Variants in SPG7 observed in about 807,000 individuals in gnomAD.
SPG7 encodes mitochondrial inner membrane m-AAA protease component paraplegin.
SPG7 carries 103 observed loss-of-function variants against 81.9 expected under a neutral mutation model. The ratio of observed to expected loss-of-function variants is 1.26; its 90% CI spans 1.07 to 1.48. SPG7 has a LOEUF of 1.48. Ranked by LOEUF, SPG7 falls within the 40% of genes most tolerant of loss-of-function variation. The pLI, the probability that SPG7 is intolerant of heterozygous loss-of-function variation, is 0.00. For synonymous variants in SPG7, 534 were observed against 444.2 expected (o/e 1.20, Z -2.54); for missense variants, 1,241 against 1,087.3 (o/e 1.14, Z -1.99).
chr16:89,543,508 T>G (rs1219665003), intron 9 of SPG7: 1 of 151,596 alleles, frequency 6.6e-6, no homozygotes, highest in African/African-American at 2.4e-5. Context: ...CCAGCTAATT[T>G]TTGTATTTTA....
intron 6 of SPG7, 45 bp from the exon 7 acceptor site, chr16:89,530,638 T>G (rs1451413765): frequency 6.2e-7 from 1 of 1,613,790 alleles, no homozygotes; most frequent in Non-Finnish European, 8.5e-7. Context: ...TGCTGCTGAT[T>G]TCCTGACTTC....
At position 89,532,504 on chromosome 16, in the gene SPG7, C is replaced by G; in HGVS notation, c.1192C>G (p.Arg398Gly). The change falls in exon 9 of 17, where the codon CGA becomes GGA. Residue 398 changes from arginine to glycine, a missense_variant. Arg to Gly is a moderately radical substitution (Grantham distance 125). Transcript: ENST00000645818. ...ARVRSLFKEA[R>G]ARAPCIVYID... ...TGTGCGGAGCCTCTTTAAGGAAGCCCGAGCCCGGGCCCCCTGCATCGTCTA... is the reference window on the plus strand; with the variant it reads ...TGTGCGGAGCCTCTTTAAGGAAGCCGGAGCCCGGGCCCCCTGCATCGTCTA... The G allele has an allele frequency of 1.2e-6, 2 of 1,613,578 alleles. No individual in the cohort carries two copies. The highest frequency in any genetic ancestry group is 1.7e-6 in the Non-Finnish European group (2 of 1,180,032).
chr16:89,549,325 G>T (rs2058605948), intron 12 of SPG7: 1 of 431,980 alleles, frequency 2.3e-6, no homozygotes, highest in African/African-American at 2.0e-5. Context: ...GACAGGAAAT[G>T]AAGCCTCACC....
chr16:89,516,246 CG>C (rs2058094821), intron 3 of SPG7, among the ~76,000 whole-genome samples: 1 of 151,638 alleles, frequency 6.6e-6, no homozygotes, highest in South Asian at 2.1e-4. Flanking sequence ...CCTTGGTCTC[CG>C]AAAGTGCTGG....
Position 89,553,792 on chromosome 16 carries a change from A to G in SPG7, c.1937-2A>G, listed in dbSNP as rs568556987. Reference sequence around the variant, plus strand: ...TGCCTCTGTCTCGACCCCGCCCTCCAGGGGCACAGGACGACCTGAGGAAGG... The same window carrying G: ...TGCCTCTGTCTCGACCCCGCCCTCCGGGGGCACAGGACGACCTGAGGAAGG... On this transcript the variant is annotated splice_acceptor_variant, in intron 14 of 16. Transcript: ENST00000645818. LOFTEE classifies it high-confidence loss of function. 2.2e-5 allele frequency: 36 copies of G among 1,613,330 alleles called. No individual in the cohort carries two copies. The highest frequency in any genetic ancestry group is 2.9e-5 in the Non-Finnish European group (34 of 1,179,970).
intron 4 of SPG7, among the ~76,000 whole-genome samples, chr16:89,525,576 G>A (rs1039539107): frequency 2.6e-5 from 4 of 152,046 alleles, no homozygotes; most frequent in South Asian, 2.1e-4. Context: ...AGAGAGTCCC[G>A]CAAGTCCGTC....
intron 13 of SPG7, 44 bp from the exon 14 acceptor site, chr16:89,552,935 A>G (rs748139370): frequency 2.4e-5 from 39 of 1,607,488 alleles, no homozygotes; most frequent in Non-Finnish European, 3.2e-5. Context: ...CTCAAAGCCC[A>G]CGCATCCTGC....
At position 89,557,357 on chromosome 16, in the gene SPG7, C is replaced by A; in HGVS notation, c.*264C>A. ...CTTCCCGAGTGAGCATGGAACACTT[C>A]GAGTTCCCAGGGTTATAGACAGTCG... On this transcript the variant is annotated 3_prime_UTR_variant, in exon 17 of 17. Coordinates refer to ENST00000645818, the MANE Select transcript of SPG7 (RefSeq NM_003119.4). 1 of 512,542 alleles carries A rather than the reference C, an allele frequency of 2.0e-6. No individual in the cohort carries two copies. The highest frequency in any genetic ancestry group is 3.2e-5 in the Admixed American group (1 of 30,858). 31.7% of individuals were successfully genotyped at this position (512,542 alleles called of 1,614,324 possible).
chr16:89,535,144 A>T (rs1263701721), intron 9 of SPG7, among the ~76,000 whole-genome samples: 1 of 152,152 alleles, frequency 6.6e-6, no homozygotes, highest in African/African-American at 2.4e-5. Flanking sequence ...ATTTGGCAGG[A>T]TTGGTGCAGC....
chr16:89,508,445 G>T lies in SPG7; in HGVS notation c.28G>T (p.Ala10Ser), dbSNP rs577872969. MAVLLLLLR[A>S]LRRGPGPGPR... The stretch of plus-strand genomic sequence containing the variant: ...GGCCGTGCTGCTGCTGCTGCTCCGT[G>T]CCCTCCGCCGGGGTCCAGGCCCGGG... The change falls in exon 1 of 17, where the codon GCC becomes TCC. Residue 10 changes from alanine to serine, a missense_variant. Ala to Ser is a moderately conservative substitution (Grantham distance 99, BLOSUM62 1). Transcript: ENST00000645818. The T allele has an allele frequency of 6.0e-6, 9 of 1,502,240 alleles. No homozygotes were observed. Among genetic ancestry groups the T allele is most frequent in the South Asian group, 5.0e-5 (4 of 80,742 alleles). The allele number at this position is 1,502,240 out of a possible 1,614,324, so 93.1% of individuals were successfully genotyped here. A position where few individuals can be genotyped will look rare whatever the true frequency, so the allele number is the denominator to read the frequency against.
At chr16:89,531,672 C>A (rs1567913568) in intron 7 of SPG7, 1 of 558,694 alleles carries the variant, frequency 1.8e-6, no homozygotes. Flanking sequence ...CCGCACCTGG[C>A]CTGCAAGAAG....
rs1304074191 is a variant in SPG7 at position 89,512,994 on chromosome 16, G to A, written c.333G>A (p.Lys111=). 2.5e-6 allele frequency: 4 copies of A among 1,613,090 alleles called. No homozygotes were observed. The highest frequency in any genetic ancestry group is 1.7e-5 in the Admixed American group (1 of 59,986). ...FNTSRLKQKN[K]EKDKSKGKAP... ...CCTCAAGGTTGAAGCAGAAGAATAA[G>A]GAGAAGGATAAGTCGAAGGGGAAGG... is the stretch of plus-strand genomic sequence containing the variant. The change falls in exon 3 of 17, where the codon AAG becomes AAA. Residue 111 remains lysine, a synonymous_variant. Transcript: ENST00000645818.
chr16:89,546,577 C>G (rs1359816865), intron 10 of SPG7, 81 bp from the exon 11 acceptor site: 20 of 937,758 alleles, frequency 2.1e-5, no homozygotes, highest in South Asian at 1.7e-4. Flanking sequence ...GGGGACCCCC[C>G]CCCCCCACAG....
At chr16:89,523,567 G>C in intron 3 of SPG7, 1 of 381,444 alleles carries the variant, frequency 2.6e-6, no homozygotes, top group Non-Finnish European at 5.3e-6. Flanking sequence ...ATCTGTGACG[G>C]CTCGGACGGC....
intron 13 of SPG7, chr16:89,551,667 T>G (rs1299359293): frequency 1.3e-5 from 2 of 152,242 alleles, no homozygotes; most frequent in Non-Finnish European, 2.9e-5. Flanking sequence ...GGCGGGCAGA[T>G]CACTTGAGGT....
At chr16:89,537,267 T>C (rs982254762) in intron 9 of SPG7, 3 of 1,358,906 alleles carry the variant, frequency 2.2e-6, no homozygotes, top group African/African-American at 1.5e-5. Flanking sequence ...TCCATGGCGG[T>C]GTCCTGCGGA....
intron 9 of SPG7, among the ~76,000 whole-genome samples, chr16:89,533,994 C>T (rs113548936): frequency 8.5e-5 from 13 of 152,210 alleles, no homozygotes; most frequent in South Asian, 2.1e-4. Flanking sequence ...GACAACACAG[C>T]GAGACCCTGT....
intron 14 of SPG7, 162 bp from the exon 15 acceptor site, chr16:89,553,632 G>A (rs1051565752): frequency 1.5e-6 from 1 of 656,666 alleles, no homozygotes; most frequent in African/African-American, 1.8e-5. Flanking sequence ...AAGGAACAGT[G>A]GTGAGGTGCC....
At chr16:89,522,080 A>G (rs11862081) in intron 3 of SPG7, 65,651 of 152,138 alleles carry the variant, frequency 0.43, 14,779 homozygotes, top group East Asian at 0.67. Flanking sequence ...ACCTGAGAAC[A>G]TAAATTTGCT....
Sources: gnomAD v4.1 joint callset for allele counts (sites outside exome capture counted in the v4.1 genomes callset) on GRCh38, gnomAD v4.1.1 for gene constraint, MANE v1.5 for transcripts, NCBI Gene and HGNC (gene_info 2026-07-23, HGNC 2026-07-21) for gene names.